Variants in METTL4 observed in about 807,000 individuals in gnomAD.
METTL4 encodes the protein N(6)-adenine-specific methyltransferase METTL4.
A neutral mutation model predicts 54.0 loss-of-function variants in METTL4; 40 were observed. The observed-to-expected ratio is 0.74, with a 90% CI of 0.58 to 0.96. The LOEUF (loss-of-function observed/expected upper bound fraction) is 0.96. Among genes scored for constraint, METTL4 ranks in the 50% least tolerant of loss-of-function variants. The pLI is 0.00. For synonymous variants in METTL4, 169 were observed against 183.8 expected (o/e 0.92, Z 0.65); for missense variants, 525 against 549.0 (o/e 0.96, Z 0.44).
At chr18:2,544,171 C>T (rs759909495) in intron 8 of METTL4, 24 bp downstream of exon 8, 2 of 1,554,758 alleles carry the variant, frequency 1.3e-6, no homozygotes, top group Non-Finnish European at 1.7e-6. Context: ...AAAGTGATAA[C>T]AATTCTATTT....
At chr18:2,566,007 A>G (rs931201665) in intron 2 of METTL4, among the ~76,000 whole-genome samples, 3 of 151,100 alleles carry the variant, frequency 2.0e-5, no homozygotes, top group Middle Eastern at 3.4e-3. Context: ...AGATAGCACC[A>G]CTGCACTCCA....
chr18:2,554,910 G>A lies in METTL4; in HGVS notation c.588C>T (p.Cys196=), dbSNP rs762426498. 3.1e-6 allele frequency: 5 copies of A among 1,614,014 alleles called. No homozygotes were observed. The change falls in exon 4 of 9, where the codon TGC becomes TGT. Residue 196 remains cysteine (C), a synonymous_variant. Coordinates refer to ENST00000574538, the MANE Select transcript of METTL4 (RefSeq NM_022840.5). ...SKPITLPLDA[C]SLSELCEMAK... is the part of the protein sequence containing the mutation. The stretch of plus-strand genomic sequence containing the variant: ...CCATTTCACATAATTCTGACAAACT[G>A]CAGGCGTCAAGTGGTAAAGTAATGG...
At chr18:2,560,841 G>A (rs1454105810) in intron 3 of METTL4, among the ~76,000 whole-genome samples, 1 of 152,150 alleles carries the variant, frequency 6.6e-6, no homozygotes, top group Non-Finnish European at 1.5e-5. Flanking sequence ...ATGGGCCACT[G>A]CACTCCAGCC....
At chr18:2,540,612 A>G in intron 8 of METTL4, 1 of 985,434 alleles carries the variant, frequency 1.0e-6, no homozygotes, top group Non-Finnish European at 1.2e-6. Flanking sequence ...TCTAGGAGAT[A>G]CTGGCACGAA....
At chr18:2,557,483 G>T (rs147176510) in intron 3 of METTL4, among the ~76,000 whole-genome samples, 1 of 152,222 alleles carries the variant, frequency 6.6e-6, no homozygotes, top group African/African-American at 2.4e-5. Context: ...AATTTCCAAG[G>T]ATATGTATAC....
intron 5 of METTL4, 30 bp downstream of exon 5, chr18:2,552,665 T>A: frequency 6.6e-7 from 1 of 1,519,326 alleles, no homozygotes; most frequent in Non-Finnish European, 9.1e-7. Context: ...ACAGTTTTTT[T>A]AGAAAGCAAA....
chr18:2,555,692 A>C (rs1012599951), intron 3 of METTL4, among the ~76,000 whole-genome samples: 6 of 152,202 alleles, frequency 3.9e-5, no homozygotes, highest in African/African-American at 1.4e-4. Flanking sequence ...AAATAATTAT[A>C]AAAAATAAAA....
rs753042888 is a variant in METTL4 at position 2,547,479 on chromosome 18, A to G, written c.950T>C (p.Leu317Ser). The G allele has an allele frequency of 3.7e-6, 6 of 1,611,172 alleles. No homozygotes were observed. Among genetic ancestry groups the G allele is most frequent in the Non-Finnish European group, 5.1e-6 (6 of 1,178,690 alleles). ...AACAAGAAGACAGTTTGGAGCAGCC[A>G]ATTTAGGGATAGGTATTTGCTGTAT... ...LQIQQIPIPK[L>S]AAPNCLLVTW... Residue 317 changes from leucine (L) to serine (S), a missense_variant, in exon 6 of 9, where the codon TTG (leucine) becomes TCG (serine). Leu to Ser is a moderately radical substitution (Grantham distance 145). Transcript: ENST00000574538.
At chr18:2,545,473 C>A (rs1399093615) in intron 6 of METTL4, among the ~76,000 whole-genome samples, 1 of 152,072 alleles carries the variant, frequency 6.6e-6, no homozygotes, top group Non-Finnish European at 1.5e-5. Context: ...ATAGACAATA[C>A]CTAGTCCAGA....
chr18:2,540,167 AAAG>A (rs1444453310), intron 8 of METTL4: 42 of 985,274 alleles, frequency 4.3e-5, no homozygotes, highest in South Asian at 4.7e-5. Context: ...CACTAAAAGA[AAAG>A]AAGAACACAG....
chr18:2,547,467 T>A lies in METTL4; in HGVS notation c.962A>T (p.Asn321Ile). The part of the protein sequence containing the change: ...QIPIPKLAAP[N>I]CLLVTWVTNR... ...GGTCACCCAAGTAACAAGAAGACAG[T>A]TTGGAGCAGCCAATTTAGGGATAGG... The change falls in exon 6 of 9, where the codon AAC becomes ATC. Residue 321 changes from asparagine to isoleucine, a missense_variant. By Grantham distance (149) the Asn-to-Ile change is moderately radical (BLOSUM62 -3). Transcript: ENST00000574538. The A allele has an allele frequency of 6.2e-7, 1 of 1,611,834 alleles. No individual in the cohort carries two copies.
intron 5 of METTL4, among the ~76,000 whole-genome samples, chr18:2,549,843 A>C (rs2072127072): frequency 6.8e-6 from 1 of 146,912 alleles, no homozygotes; most frequent in African/African-American, 2.6e-5. Context: ...AAAAAAAAAA[A>C]ATTAGCCGGG....
chr18:2,564,924 C>A (rs1321874208), intron 2 of METTL4, among the ~76,000 whole-genome samples: 1 of 152,110 alleles, frequency 6.6e-6, no homozygotes, highest in Non-Finnish European at 1.5e-5. Context: ...TTTACTAAGA[C>A]CTCGGACAAT....
intron 3 of METTL4, chr18:2,555,568 A>T (rs2072227363): frequency 6.6e-6 from 1 of 152,280 alleles, no homozygotes; most frequent in Non-Finnish European, 1.5e-5. Flanking sequence ...TTCTCTGGTT[A>T]TCTAATTTTA....
rs555547008 is a variant in METTL4 at position 2,554,240 on chromosome 18, G to A, written c.829+429C>T. ...ATATTTAAATTTTTTAACTTTGTAC[G>A]GAAATGTTTCAAGAAATTTTAGACA... On this transcript the variant is annotated intron_variant, in intron 4 of 8. Coordinates refer to ENST00000574538, the MANE Select transcript of METTL4 (RefSeq NM_022840.5). 4.8e-4 allele frequency: 72 copies of A among 150,382 alleles called. No individual in the cohort carries two copies. In the South Asian group the frequency reaches 0.014, roughly 30 times the overall value. The allele number at this position is 150,382 out of a possible 1,614,324, so 9.3% of individuals were successfully genotyped here.
At chr18:2,567,820 T>C (rs761986027) in intron 1 of METTL4, among the ~76,000 whole-genome samples, 166 bp from the exon 2 acceptor site, 11 of 152,208 alleles carry the variant, frequency 7.2e-5, no homozygotes, top group Non-Finnish European at 1.3e-4. Flanking sequence ...TCCAGTATCA[T>C]CTTCCCTACT....
intron 2 of METTL4, among the ~76,000 whole-genome samples, chr18:2,565,290 G>A (rs1001976485): frequency 6.6e-6 from 1 of 151,606 alleles, no homozygotes; most frequent in South Asian, 2.1e-4. Flanking sequence ...AAAAAAAAAA[G>A]GGGGATCAAC....
chr18:2,539,208 C>T (rs2071956768), intron 8 of METTL4, 63 bp from the exon 9 acceptor site: 2 of 1,301,172 alleles, frequency 1.5e-6, no homozygotes, highest in Non-Finnish European at 2.2e-6. Context: ...TTCCTTTTAG[C>T]AGTTAAGAGT....
chr18:2,566,786 C>A (rs764314874), intron 2 of METTL4, 35 bp downstream of exon 2: 1 of 1,442,640 alleles, frequency 6.9e-7, no homozygotes, highest in South Asian at 1.4e-5. Flanking sequence ...ATTATGTTTT[C>A]TGGAGAAAAA....
Sources: gnomAD v4.1 joint callset for allele counts (sites outside exome capture counted in the v4.1 genomes callset) on GRCh38, gnomAD v4.1.1 for gene constraint, MANE v1.5 for transcripts, NCBI Gene and HGNC (gene_info 2026-07-23, HGNC 2026-07-21) for gene names.